AREG: variants seen among roughly 807,000 people sequenced by gnomAD.
The protein encoded by AREG is amphiregulin.
AREG carries 16 observed loss-of-function variants against 28.0 expected under a neutral mutation model. The observed-to-expected ratio is 0.57, with a 90% CI of 0.39 to 0.87. The LOEUF (loss-of-function observed/expected upper bound fraction) is 0.87, where lower values mean the gene tolerates loss of function less well. Ranked by LOEUF, AREG falls within the 40% of genes least tolerant of loss-of-function variation. AREG has a pLI of 0.00. For synonymous variants in AREG, 113 were observed against 113.5 expected, an observed-to-expected ratio of 1.00 and a Z score of 0.02; for missense variants, 287 against 309.1, an observed-to-expected ratio of 0.93 and a Z score of 0.53.
rs940643764 is a variant in AREG at position 74,445,149 on chromosome 4, C to G, written c.-197C>G. 1 of 1,261,084 alleles carries G rather than the reference C, an allele frequency of 7.9e-7. No homozygotes were observed. The highest frequency in any genetic ancestry group is 1.1e-6 in the Non-Finnish European group (1 of 936,548). The allele number at this position is 1,261,084 out of a possible 1,614,324, so 78.1% of individuals were successfully genotyped here. On this transcript the variant is annotated 5_prime_UTR_variant, in exon 1 of 6. Transcript: ENST00000395748. ...GCGCCGCCCTACAGACGTTCGCACA[C>G]CTGGGTGCCAGCGCCCCAGAGGTCC... is the stretch of plus-strand genomic sequence containing the variant.
At chr4:74,445,558 A>G in intron 1 of AREG, 152 bp downstream of exon 1, 7 of 1,449,148 alleles carry the variant, frequency 4.8e-6, no homozygotes, top group Non-Finnish European at 6.4e-6. Flanking sequence ...CCTAGGAGGA[A>G]AAGAGAAGGG....
intron 5 of AREG, among the ~76,000 whole-genome samples, chr4:74,453,275 G>A (rs1306713070): frequency 6.6e-6 from 1 of 152,182 alleles, no homozygotes; most frequent in African/African-American, 2.4e-5. Context: ...TAATGTGAGG[G>A]CATGGAGACA....
intron 2 of AREG, chr4:74,448,659 A>G (rs1158692541): frequency 5.4e-6 from 1 of 186,320 alleles, no homozygotes; most frequent in Non-Finnish European, 1.1e-5. Context: ...GAATACAAAT[A>G]TTCCTGGGCT....
Position 74,450,455 on chromosome 4 carries a change from A to T in AREG, c.588A>T (p.Leu196Phe). 1 of 1,614,010 alleles carries T rather than the reference A, an allele frequency of 6.2e-7. No homozygotes were observed. Among genetic ancestry groups the T allele is most frequent in the Non-Finnish European group, 8.5e-7 (1 of 1,179,864 alleles). Residue 196 changes from leucine (L) to phenylalanine (F), a missense_variant, in exon 4 of 6, where the codon TTA (leucine) becomes TTT (phenylalanine). Physicochemically the swap from Leu to Phe is conservative, Grantham distance 22. Transcript: ENST00000395748. ...CTCACAGCATGATTGACAGTAGTTT[A>T]TCAAAAATTGCATTAGCAGCCATAG... Reference protein sequence around the residue: ...MKTHSMIDSSLSKIALAAIAA... With the variant: ...MKTHSMIDSSFSKIALAAIAA...
chr4:74,446,888 G>A (rs1267742641), intron 2 of AREG, 106 bp downstream of exon 2: 2 of 1,582,216 alleles, frequency 1.3e-6, no homozygotes, highest in Non-Finnish European at 1.7e-6. Flanking sequence ...TGGCTTTATT[G>A]TATATCTGTT....
chr4:74,448,541 A>C (rs1264222297), intron 2 of AREG: 1 of 156,302 alleles, frequency 6.4e-6, no homozygotes, highest in Non-Finnish European at 1.4e-5. Context: ...CAGCACTAAC[A>C]TGCAAAGCCA....
chr4:74,448,686 T>G, intron 2 of AREG: 1 of 202,232 alleles, frequency 4.9e-6, no homozygotes, highest in Non-Finnish European at 1.0e-5. Context: ...TTCAAATAGA[T>G]TGACCACGAA....
chr4:74,449,678 T>C (rs1427964329), intron 3 of AREG, among the ~76,000 whole-genome samples: 5 of 152,210 alleles, frequency 3.3e-5, no homozygotes, highest in Non-Finnish European at 7.4e-5. Context: ...TTGCTTGAGC[T>C]CAGGAGGTTG....
rs774990847 is a variant in AREG at position 74,446,618 on chromosome 4, T to G, written c.146T>G (p.Phe49Cys). 1 of 1,613,990 alleles carries G rather than the reference T, an allele frequency of 6.2e-7. No individual in the cohort carries two copies. The highest frequency in any genetic ancestry group is 2.2e-5 in the East Asian group (1 of 44,878). ...TCTGGGGACCACAGTGCTGATGGAT[T>G]TGAGGTTACCTCAAGAAGTGAGATG... ...PFSGDHSADGFEVTSRSEMSS... is the reference protein window; with the variant it reads ...PFSGDHSADGCEVTSRSEMSS... The change falls in exon 2 of 6, where the codon TTT (phenylalanine) becomes TGT (cysteine). Residue 49 changes from phenylalanine to cysteine, a missense_variant. Phe to Cys is a radical substitution (Grantham distance 205). Coordinates refer to ENST00000395748, the MANE Select transcript of AREG (RefSeq NM_001657.4).
At chr4:74,448,717 T>A (rs1330722676) in intron 2 of AREG, 1 of 237,348 alleles carries the variant, frequency 4.2e-6, no homozygotes, top group Non-Finnish European at 8.3e-6. Context: ...ATGGAAATTA[T>A]CAATTTGATT....
At chr4:74,453,603 G>C (rs1475418978) in intron 5 of AREG, among the ~76,000 whole-genome samples, 1 of 152,120 alleles carries the variant, frequency 6.6e-6, no homozygotes, top group Admixed American at 6.5e-5. Flanking sequence ...TCTAACTTCA[G>C]TAGGTTTAAG....
At chr4:74,450,302 C>T (rs1174310034) in intron 3 of AREG, 78 bp from the exon 4 acceptor site, 96 of 1,609,496 alleles carry the variant, frequency 6.0e-5, no homozygotes, top group Non-Finnish European at 7.9e-5. Flanking sequence ...TTAAATGGTT[C>T]TTTATGATCT....
chr4:74,450,395 T>A lies in AREG; in HGVS notation c.528T>A (p.Tyr176Ter). Residue 176 changes from tyrosine to a stop codon, truncating the protein, a stop_gained, in exon 4 of 6, where the codon TAT (tyrosine) becomes TAA (stop). Coordinates refer to ENST00000395748, the MANE Select transcript of AREG (RefSeq NM_001657.4). LOFTEE classifies it high-confidence loss of function. ...TTGCTTGCAGATGTCAGCAAGAATA[T>A]TTCGGTGAACGGTGTGGGGAAAAGT... ...EAVTCKCQQE[Y>*]FGERCGEKSM... 6.2e-7 allele frequency: 1 copy of A among 1,613,986 alleles called. No homozygotes were observed. Among genetic ancestry groups the A allele is most frequent in the East Asian group, 2.2e-5 (1 of 44,874 alleles).
rs751836749 is a variant in AREG at position 74,446,693 on chromosome 4, A to C, written c.221A>C (p.Glu74Ala). 6.2e-7 allele frequency: 1 copy of C among 1,613,962 alleles called. No individual in the cohort carries two copies. The highest frequency in any genetic ancestry group is 1.1e-5 in the South Asian group (1 of 91,072). Residue 74 changes from glutamate to alanine, a missense_variant, in exon 2 of 6, where the codon GAA (glutamate) becomes GCA (alanine). Glu to Ala is a moderately radical substitution (Grantham distance 107). Coordinates refer to ENST00000395748, the MANE Select transcript of AREG (RefSeq NM_001657.4). ...GTGAGTGAAATGCCTTCTAGTAGTG[A>C]ACCGTCCTCGGGAGCCGACTATGAC... ...SPVSEMPSSSEPSSGADYDYS... is the reference protein window; with the variant it reads ...SPVSEMPSSSAPSSGADYDYS...
At chr4:74,452,709 A>G (rs1719399360) in intron 5 of AREG, 54 bp downstream of exon 5, 4 of 1,484,496 alleles carry the variant, frequency 2.7e-6, no homozygotes, top group Non-Finnish European at 9.2e-7. Context: ...TGAAAAATTT[A>G]ACACTATATA....
Position 74,445,331 on chromosome 4 carries a change from C to T in AREG, c.-15C>T, listed in dbSNP as rs369221374. On this transcript the variant is annotated 5_prime_UTR_variant, in exon 1 of 6. Coordinates refer to ENST00000395748, the MANE Select transcript of AREG (RefSeq NM_001657.4). Reference sequence around the variant, plus strand: ...GTTGCCCCAGAGACCGAGACGCCGCCGCTGCGAAGGACCAATGAGAGCCCC... The same window carrying T: ...GTTGCCCCAGAGACCGAGACGCCGCTGCTGCGAAGGACCAATGAGAGCCCC... The T allele has an allele frequency of 7.1e-5, 114 of 1,608,778 alleles. No homozygotes were observed. Among genetic ancestry groups the T allele is most frequent in the Non-Finnish European group, 9.1e-5 (107 of 1,178,934 alleles).
intron 5 of AREG, among the ~76,000 whole-genome samples, chr4:74,453,874 C>G (rs1281676611): frequency 6.6e-6 from 1 of 150,546 alleles, no homozygotes; most frequent in Non-Finnish European, 1.5e-5. Context: ...AAGCCAAGAT[C>G]GCGCCATTGC....
Position 74,445,383 on chromosome 4 carries a change from T to C in AREG, c.38T>C (p.Leu13Pro). 1 of 1,610,804 alleles carries C rather than the reference T, an allele frequency of 6.2e-7. No individual in the cohort carries two copies. Among genetic ancestry groups the C allele is most frequent in the African/African-American group, 1.3e-5 (1 of 74,988 alleles). The change falls in exon 1 of 6, where the codon CTG becomes CCG. Residue 13 changes from leucine (L) to proline (P), a missense_variant. Coordinates refer to ENST00000395748, the MANE Select transcript of AREG (RefSeq NM_001657.4). Reference sequence around the variant, plus strand: ...CTGCTACCGCCGGCGCCGGTGGTGCTGTCGCTCTTGATACTCGGCTCAGGT... The same window carrying C: ...CTGCTACCGCCGGCGCCGGTGGTGCCGTCGCTCTTGATACTCGGCTCAGGT... ...APLLPPAPVV[L>P]SLLILGSGHY...
intron 3 of AREG, 113 bp downstream of exon 3, chr4:74,449,361 T>C: frequency 6.5e-7 from 1 of 1,546,478 alleles, no homozygotes; most frequent in East Asian, 2.3e-5. Context: ...CAGTAAACTT[T>C]TTGTTAAAGC....
Sources: gnomAD v4.1 joint callset for allele counts (sites outside exome capture counted in the v4.1 genomes callset) on GRCh38, gnomAD v4.1.1 for gene constraint, MANE v1.5 for transcripts, NCBI Gene and HGNC (gene_info 2026-07-23, HGNC 2026-07-21) for gene names.